Variants in MICAL1 observed in about 807,000 individuals in gnomAD.
The protein encoded by MICAL1 is [F-actin]-monooxygenase MICAL1.
A neutral mutation model predicts 131.8 loss-of-function variants in MICAL1; 95 were observed. The ratio of observed to expected loss-of-function variants is 0.72; its 90% CI spans 0.61 to 0.86. The LOEUF (loss-of-function observed/expected upper bound fraction) is 0.86. MICAL1 is among the 40% of genes least tolerant of loss of function. The probability of loss-of-function intolerance (pLI) is 0.00; values close to 1 mark genes in which losing one functional copy is unlikely to be tolerated. For synonymous variants in MICAL1, 546 were observed against 554.2 expected, an observed-to-expected ratio of 0.99 and a Z score of 0.21; for missense variants, 1,292 against 1,380.6, an observed-to-expected ratio of 0.94 and a Z score of 1.02.
rs778599439 is a variant in MICAL1, at chr6:109,450,593, T to C, written c.934-36A>G. On this transcript the variant is annotated intron_variant, in intron 7 of 24. Coordinates refer to ENST00000358807, the MANE Select transcript of MICAL1 (RefSeq NM_022765.4). ...AACAGAGCAGAACCTCAGAGACCTC[T>C]GAGAGCAGGGTCAGTGGGCCAGTGC... is the stretch of plus-strand genomic sequence containing the variant. 8 of 1,575,508 alleles carry C rather than the reference T, an allele frequency of 5.1e-6. No homozygotes were observed. The South Asian group carries it at 9.0e-5, about 18-fold the overall frequency.
chr6:109,450,905 C>T (rs1430245306), intron 7 of MICAL1, among the ~76,000 whole-genome samples: 3 of 152,166 alleles, frequency 2.0e-5, no homozygotes, highest in Non-Finnish European at 4.4e-5. Flanking sequence ...ATGGGAGATG[C>T]AAATTTAACT....
intron 1 of MICAL1, among the ~76,000 whole-genome samples, chr6:109,461,804 TG>T (rs1775894244): frequency 2.0e-5 from 3 of 152,206 alleles, no homozygotes; most frequent in Non-Finnish European, 1.5e-5. Flanking sequence ...CTATTAACCT[TG>T]GGAATAAGAA....
intron 20 of MICAL1, 54 bp downstream of exon 20, chr6:109,445,717 T>C: frequency 6.3e-7 from 1 of 1,574,870 alleles, no homozygotes; most frequent in Non-Finnish European, 8.6e-7. Flanking sequence ...CCAGTGCAGG[T>C]TTCTCCTGTA....
rs923219401 is a variant in MICAL1, at chr6:109,448,393, C to T, written c.1665G>A (p.Leu555=). ...ALVYRLQPGL[L]EPSELQGLGA... is the part of the protein sequence containing the mutation. ...CCAGCCCCTGCAGCTCTGAGGGTTC[C>T]CTGTGGGATGTCAGGGAGAAAAGCC... is the stretch of plus-strand genomic sequence containing the variant. Residue 555 remains leucine, a splice_region_variant and synonymous_variant, in exon 13 of 25, where the codon CTG becomes CTA. Coordinates refer to ENST00000358807, the MANE Select transcript of MICAL1 (RefSeq NM_022765.4). 1.2e-6 allele frequency: 2 copies of T among 1,612,972 alleles called. No individual in the cohort carries two copies. The highest frequency in any genetic ancestry group is 1.1e-5 in the South Asian group (1 of 91,086).
At position 109,445,836 on chromosome 6, in the gene MICAL1, T is replaced by A. The variant is rs186550956; in HGVS notation, c.2608A>T (p.Lys870Ter). 6.2e-7 allele frequency: 1 copy of A among 1,608,988 alleles called. No homozygotes were observed. The highest frequency in any genetic ancestry group is 2.2e-5 in the East Asian group (1 of 44,838). Residue 870 changes from lysine (K) to a stop codon, truncating the protein, a stop_gained, in exon 20 of 25, where the codon AAA (lysine) becomes TAA (stop). Coordinates refer to ENST00000358807, the MANE Select transcript of MICAL1 (RefSeq NM_022765.4). LOFTEE classifies it high-confidence loss of function. ...TCTTCACTGGAGAAGGGACTCTCTT[T>A]TTCCTCCTTCTCCATGGCCACAAGA... is the stretch of plus-strand genomic sequence containing the variant. ...QALVAMEKEE[K>*]ESPFSSEEEE...
At chr6:109,451,903 G>A in intron 6 of MICAL1, 1 of 1,393,412 alleles carries the variant, frequency 7.2e-7, no homozygotes, top group East Asian at 2.7e-5. Context: ...AGAGCAAAGA[G>A]GGAAGCTTGG....
At chr6:109,445,324 C>T (rs1338833310) in intron 21 of MICAL1, 34 bp from the exon 22 acceptor site, 1 of 1,613,682 alleles carries the variant, frequency 6.2e-7, no homozygotes, top group Non-Finnish European at 8.5e-7. Context: ...CCAGGAGTCT[C>T]TAGGTTGCTC....
At chr6:109,463,909 G>C (rs550766194) in intron 1 of MICAL1, 3 of 152,286 alleles carry the variant, frequency 2.0e-5, no homozygotes, top group South Asian at 4.1e-4. Flanking sequence ...AGTTCTCTTA[G>C]TGTAGAGGTA....
chr6:109,447,812 T>G lies in MICAL1; in HGVS notation c.1944+63A>C, dbSNP rs946532684. On this transcript the variant is annotated intron_variant, in intron 14 of 24. Transcript: ENST00000358807. ...ATGTCCTCACCATCACCCCAGGATC[T>G]CCACTGGGTACCCCCCTGCCCACTC... 9.9e-6 allele frequency: 16 copies of G among 1,608,308 alleles called. No homozygotes were observed. The African/African-American group carries it at 2.0e-4, about 20-fold the overall frequency.
intron 11 of MICAL1, 61 bp downstream of exon 11, chr6:109,449,339 C>A: frequency 6.4e-7 from 1 of 1,552,894 alleles, no homozygotes; most frequent in Non-Finnish European, 8.9e-7. Flanking sequence ...TTGCAGGGAC[C>A]ACCTGGGCCT....
chr6:109,444,322 C>G lies in MICAL1; in HGVS notation c.3073G>C (p.Ala1025Pro). The change falls in exon 25 of 25, where the codon GCT becomes CCT. Residue 1025 changes from alanine to proline, a missense_variant. Physicochemically the swap from Ala to Pro is conservative, Grantham distance 27. Coordinates refer to ENST00000358807, the MANE Select transcript of MICAL1 (RefSeq NM_022765.4). ...ACCTGGTCCTCAGCCTGCCGATCAGCAGCTGTCTTTAGGTTTTCTAAAAGG... is the reference window on the plus strand; with the variant it reads ...ACCTGGTCCTCAGCCTGCCGATCAGGAGCTGTCTTTAGGTTTTCTAAAAGG... ...MNREENLKTA[A>P]DRQAEDQVLR... is the part of the protein sequence containing the mutation. The G allele has an allele frequency of 6.2e-7, 1 of 1,613,558 alleles. No homozygotes were observed. Among genetic ancestry groups the G allele is most frequent in the Non-Finnish European group, 8.5e-7 (1 of 1,180,046 alleles).
At chr6:109,458,001 G>A (rs1775799629), upstream of MICAL1, among the ~76,000 whole-genome samples, 1 of 152,108 alleles carries the variant, frequency 6.6e-6, no homozygotes, top group South Asian at 2.1e-4. Flanking sequence ...TCTAAATGGA[G>A]GCAGTTTAAT....
intron 22 of MICAL1, 38 bp downstream of exon 22, chr6:109,445,159 T>A (rs1775152574): frequency 6.2e-7 from 1 of 1,607,912 alleles, no homozygotes; most frequent in Non-Finnish European, 8.5e-7. Flanking sequence ...CTGAACACAG[T>A]GCTAGAAGGC....
upstream of MICAL1, among the ~76,000 whole-genome samples, chr6:109,457,470 G>A (rs892973897): frequency 1.3e-5 from 2 of 152,072 alleles, no homozygotes; most frequent in Non-Finnish European, 2.9e-5. Context: ...TAGAGGAAGT[G>A]AACTGTCACG....
At chr6:109,460,637 T>C (rs1399744183), upstream of MICAL1, among the ~76,000 whole-genome samples, 9 of 152,070 alleles carry the variant, frequency 5.9e-5, no homozygotes, top group Non-Finnish European at 4.4e-5. Context: ...CAGCTTCTTT[T>C]AGAGGTCACT....
intron 19 of MICAL1, 55 bp from the exon 20 acceptor site, chr6:109,445,917 A>G (rs1235615985): frequency 6.4e-7 from 1 of 1,563,172 alleles, no homozygotes; most frequent in Non-Finnish European, 8.7e-7. Context: ...CCAGTCAGGC[A>G]ACAAAGAGCA....
chr6:109,450,517 A>C lies in MICAL1; in HGVS notation c.974T>G (p.Val325Gly). The stretch of plus-strand genomic sequence containing the variant: ...AAAGCGCTGCAGAGCCTCGGGCACC[A>C]CATTGGCACTGCCCAGCAGCCGATT... The part of the protein sequence containing the change: ...DTNRLLGSAN[V>G]VPEALQRFTR... The change falls in exon 8 of 25, where the codon GTG becomes GGG. Residue 325 changes from valine (V) to glycine (G), a missense_variant. By Grantham distance (109) the Val-to-Gly change is moderately radical. Transcript: ENST00000358807. The C allele has an allele frequency of 6.2e-7, 1 of 1,612,216 alleles. No individual in the cohort carries two copies. Among genetic ancestry groups the C allele is most frequent in the East Asian group, 2.2e-5 (1 of 44,832 alleles).
At chr6:109,455,851 C>G, upstream of MICAL1, 1 of 985,604 alleles carries the variant, frequency 1.0e-6, no homozygotes. This position sits in a 1 kb window ranked among gnomAD's most constrained non-coding sequence, Gnocchi z 4.7. Flanking sequence ...CGGGGCGGCC[C>G]GGGGCGTGCG....
Position 109,447,182 on chromosome 6 carries a change from G to A in MICAL1, c.2118C>T (p.Val706=), listed in dbSNP as rs149153406. The change falls in exon 17 of 25, where the codon GTC becomes GTT. Residue 706 remains valine, a synonymous_variant. Transcript: ENST00000358807. Reference sequence around the variant, plus strand: ...GGCCGTTGACACAGAGGCGTTCCAGGACATAGAGGTGTTCCCCACAAAGTG... The same window carrying A: ...GGCCGTTGACACAGAGGCGTTCCAGAACATAGAGGTGTTCCCCACAAAGTG... The part of the protein sequence containing the change: ...LCALCGEHLY[V]LERLCVNGHF... The A allele has an allele frequency of 1.2e-6, 2 of 1,614,140 alleles. No homozygotes were observed. The highest frequency in any genetic ancestry group is 1.7e-6 in the Non-Finnish European group (2 of 1,179,994).
Sources: allele counts gnomAD v4.1 joint callset (sites outside exome capture counted in the v4.1 genomes callset), GRCh38; gene constraint gnomAD v4.1.1; non-coding constraint Gnocchi (gnomAD v3.1); transcripts MANE v1.5; gene names NCBI Gene and HGNC (gene_info 2026-07-23, HGNC 2026-07-21).